Variants in ADCY8 observed in about 807,000 individuals in gnomAD.
ADCY8 encodes adenylate cyclase 8.
In ADCY8, 51 loss-of-function variants were observed where a neutral mutation model predicts 119.7. The observed-to-expected ratio is 0.43, with a 90% CI of 0.34 to 0.54. The LOEUF (loss-of-function observed/expected upper bound fraction) is 0.54. Among genes scored for constraint, ADCY8 ranks in the 20% least tolerant of loss-of-function variants. The pLI, the probability that ADCY8 is intolerant of heterozygous loss-of-function variation, is 0.03. For synonymous variants in ADCY8, 665 were observed against 651.0 expected, an observed-to-expected ratio of 1.02 and a Z score of -0.33; for missense variants, 1,383 against 1,598.8, an observed-to-expected ratio of 0.87 and a Z score of 2.30.
chr8:130,816,359 T>C (rs1816340450), intron 13 of ADCY8, among the ~76,000 whole-genome samples: 1 of 151,942 alleles, frequency 6.6e-6, no homozygotes, highest in African/African-American at 2.4e-5. Flanking sequence ...CTACCATTTA[T>C]CTAAGAAAGA....
intron 16 of ADCY8, 38 bp downstream of exon 16, chr8:130,785,345 C>T (rs768303551): frequency 2.7e-6 from 4 of 1,456,588 alleles, no homozygotes; most frequent in African/African-American, 1.4e-5. Flanking sequence ...CAGCAAGACC[C>T]CACCATGCAT....
intron 11 of ADCY8, among the ~76,000 whole-genome samples, chr8:130,846,710 G>GTCCTTCCTTCCCCTTCCT (rs1250693455): frequency 1.0e-5 from 1 of 97,556 alleles, no homozygotes; most frequent in African/African-American, 4.2e-5. Context: ...ACTACCTTCC[G>GTCCTTCCTTCCCCTTCCT]TCCTTCCTTC....
chr8:130,869,526 G>GTTTTTTTTTTTTTGTTTTTTGT (rs1275593013), intron 8 of ADCY8, among the ~76,000 whole-genome samples: 11 of 114,604 alleles, frequency 9.6e-5, no homozygotes, highest in African/African-American at 9.4e-5. Flanking sequence ...TTGTTTTTTT[G>GTTTTTTTTTTTTTGTTTTTTGT]TTTTTTTTTG....
intron 5 of ADCY8, among the ~76,000 whole-genome samples, chr8:130,935,141 T>C (rs890418893): frequency 6.6e-6 from 1 of 152,152 alleles, no homozygotes; most frequent in Non-Finnish European, 1.5e-5. Flanking sequence ...GATGGAAAGG[T>C]ACTAAAAAGA....
chr8:130,913,205 C>T (rs374342456), intron 5 of ADCY8, among the ~76,000 whole-genome samples: 1 of 152,142 alleles, frequency 6.6e-6, no homozygotes, highest in Non-Finnish European at 1.5e-5. Flanking sequence ...AATCCAATTA[C>T]ACTCTTTTAG....
chr8:130,797,986 G>T (rs913021625), intron 15 of ADCY8, among the ~76,000 whole-genome samples: 31 of 152,196 alleles, frequency 2.0e-4, no homozygotes, highest in Non-Finnish European at 1.3e-4. Flanking sequence ...CCACTTAGTG[G>T]TATGTGACTC....
chr8:130,805,837 T>C (rs911396150), intron 14 of ADCY8, among the ~76,000 whole-genome samples: 1 of 152,180 alleles, frequency 6.6e-6, no homozygotes, highest in Admixed American at 6.5e-5. Flanking sequence ...ACCTGTGTTA[T>C]GTGGCTTGCC....
In ADCY8 at chr8:130,952,004, A is replaced by G. The variant is rs1479441384; in HGVS notation, c.1111-6T>C. 6.2e-7 allele frequency: 1 copy of G among 1,613,894 alleles called. No homozygotes were observed. Among genetic ancestry groups the G allele is most frequent in the East Asian group, 2.2e-5 (1 of 44,876 alleles). On this transcript the variant is annotated splice_polypyrimidine_tract_variant and splice_region_variant and intron_variant, in intron 2 of 17. Transcript: ENST00000286355. ...ACAGAAAGCACGAGCCGCTCCTGGA[A>G]CAAATGAAGAGGGACGGTCCTGTTA... is the stretch of plus-strand genomic sequence containing the variant.
chr8:130,994,919 G>A (rs890665793), intron 1 of ADCY8, among the ~76,000 whole-genome samples: 5 of 152,128 alleles, frequency 3.3e-5, no homozygotes, highest in Non-Finnish European at 7.4e-5. Context: ...GGGCACATGT[G>A]CAAAGGTGAC....
At chr8:130,814,490 T>C (rs1816276273) in intron 13 of ADCY8, among the ~76,000 whole-genome samples, 1 of 152,330 alleles carries the variant, frequency 6.6e-6, no homozygotes, top group South Asian at 2.1e-4. Context: ...CTGATAATGT[T>C]GGTGTCCTCT....
chr8:130,804,883 G>T (rs1462885747), intron 14 of ADCY8, among the ~76,000 whole-genome samples: 2 of 152,076 alleles, frequency 1.3e-5, no homozygotes, highest in Non-Finnish European at 2.9e-5. Context: ...AGTAGCTGGG[G>T]TTACAGGCGC....
chr8:130,943,042 T>C (rs547761055), intron 4 of ADCY8, among the ~76,000 whole-genome samples: 3 of 152,274 alleles, frequency 2.0e-5, no homozygotes, highest in African/African-American at 7.2e-5. Context: ...TGCAGCTGGA[T>C]GGCACCTGGC....
chr8:130,812,493 G>A (rs760637540), intron 14 of ADCY8, among the ~76,000 whole-genome samples: 3 of 152,226 alleles, frequency 2.0e-5, no homozygotes, highest in Non-Finnish European at 2.9e-5. Context: ...TATGACTGGT[G>A]ATGTTAAAAG....
At chr8:130,846,480 G>A (rs907041538) in intron 11 of ADCY8, among the ~76,000 whole-genome samples, 1 of 151,890 alleles carries the variant, frequency 6.6e-6, no homozygotes, top group Non-Finnish European at 1.5e-5. Context: ...TTCTGCCTTT[G>A]TAATTCCCTT....
intron 13 of ADCY8, among the ~76,000 whole-genome samples, chr8:130,818,728 A>G (rs1816419436): frequency 6.6e-6 from 1 of 152,232 alleles, no homozygotes; most frequent in South Asian, 2.1e-4. Flanking sequence ...GGAGATTAAC[A>G]GGACCCAAAA....
chr8:130,997,872 C>G (rs1802859061), intron 1 of ADCY8, among the ~76,000 whole-genome samples: 1 of 152,240 alleles, frequency 6.6e-6, no homozygotes, highest in Middle Eastern at 3.4e-3. Context: ...TCCCTCGGGT[C>G]CCATCCTATC....
intron 1 of ADCY8, among the ~76,000 whole-genome samples, chr8:131,013,504 A>G (rs1823375504): frequency 6.6e-6 from 1 of 152,074 alleles, no homozygotes; most frequent in African/African-American, 2.4e-5. Flanking sequence ...CTACCAGTGT[A>G]TCTCTGCCAC....
At chr8:130,850,272 A>G (rs1327503062) in intron 9 of ADCY8, among the ~76,000 whole-genome samples, 1 of 152,120 alleles carries the variant, frequency 6.6e-6, no homozygotes, top group African/African-American at 2.4e-5. Flanking sequence ...GTTTTCATGG[A>G]CTATACCATA....
chr8:130,950,846 TG>T (rs1821247543), intron 3 of ADCY8, among the ~76,000 whole-genome samples: 1 of 152,138 alleles, frequency 6.6e-6, no homozygotes, highest in Non-Finnish European at 1.5e-5. Flanking sequence ...ACTACAGGCA[TG>T]CACCACCATA....
Sources: allele counts gnomAD v4.1 joint callset (sites outside exome capture counted in the v4.1 genomes callset), GRCh38; gene constraint gnomAD v4.1.1; transcripts MANE v1.5; gene names NCBI Gene and HGNC (gene_info 2026-07-23, HGNC 2026-07-21).